ODR4: variants seen among roughly 807,000 people sequenced by gnomAD.
ODR4 encodes the protein protein odr-4 homolog.
In ODR4, 47 loss-of-function variants were observed where a neutral mutation model predicts 60.2. The ratio of observed to expected loss-of-function variants is 0.78; its 90% CI spans 0.62 to 1.00. The LOEUF (loss-of-function observed/expected upper bound fraction) is 1.00. ODR4 is among the 50% of genes least tolerant of loss of function. The pLI, the probability that ODR4 is intolerant of heterozygous loss-of-function variation, is 0.00. For missense variants in ODR4, 488 were observed against 530.8 expected (o/e 0.92, Z 0.79); for synonymous variants, 178 against 175.5 (o/e 1.01, Z -0.11).
At chr1:186,377,774 G>A (rs1259833329) in intron 1 of ODR4, among the ~76,000 whole-genome samples, 1 of 152,134 alleles carries the variant, frequency 6.6e-6, no homozygotes. Context: ...GGCCAGGCAT[G>A]GTGACTCACA....
the ODR4 span, among the ~76,000 whole-genome samples, chr1:186,434,795 G>A: frequency 6.6e-6 from 1 of 152,158 alleles, no homozygotes; most frequent in Non-Finnish European, 1.5e-5. Context: ...TCAATTTCAT[G>A]TGTGATTATT....
chr1:186,406,225 AAT>A lies in ODR4; in HGVS notation c.1144_1145del (p.Ile382SerfsTer22), dbSNP rs1661169659. Reference protein sequence around the residue: ...DHFMEMLDHTIQIEDLEIAEE... With the variant: ...DHFMEMLDHTXQIEDLEIAEE... ...ATTTTATGGAGATGTTGGATCACAC[AAT>A]TCAAATAGAAGATTTGGAAATTGCA... is the stretch of plus-strand genomic sequence containing the variant. On this transcript the variant is annotated frameshift_variant, in exon 12 of 14. Transcript: ENST00000287859. LOFTEE classifies it high-confidence loss of function. 1 of 1,607,328 alleles carries A rather than the reference AAT, an allele frequency of 6.2e-7. No individual in the cohort carries two copies. The highest frequency in any genetic ancestry group is 8.5e-7 in the Non-Finnish European group (1 of 1,177,436).
chr1:186,417,197 A>G (rs1161035764), intron 12 of ODR4, among the ~76,000 whole-genome samples: 1 of 152,084 alleles, frequency 6.6e-6, no homozygotes, highest in African/African-American at 2.4e-5. Flanking sequence ...TCCTGAGCTC[A>G]GGCACTCTGC....
chr1:186,380,654 G>T (rs1308168701), intron 2 of ODR4, among the ~76,000 whole-genome samples: 1 of 150,894 alleles, frequency 6.6e-6, no homozygotes, highest in African/African-American at 2.4e-5. Context: ...TTTGGCCCAA[G>T]GACTTGATTT....
At chr1:186,387,829 G>C (rs151248326) in intron 4 of ODR4, among the ~76,000 whole-genome samples, 1 of 152,172 alleles carries the variant, frequency 6.6e-6, no homozygotes, top group East Asian at 1.9e-4. Flanking sequence ...CATCAAGTAT[G>C]CATTTTTATA....
chr1:186,427,220 T>G, the ODR4 span, among the ~76,000 whole-genome samples: 5 of 152,218 alleles, frequency 3.3e-5, no homozygotes, highest in Non-Finnish European at 5.9e-5. Flanking sequence ...CTGTAGCAGG[T>G]GATGCCATTT....
intron 11 of ODR4, among the ~76,000 whole-genome samples, chr1:186,403,300 G>A (rs11803083): frequency 0.047 from 7,183 of 151,628 alleles, 210 homozygotes; most frequent in Non-Finnish European, 0.068. Context: ...ATATTTATGA[G>A]GTATATGAGA....
At chr1:186,389,118 A>G (rs1162567932) in intron 5 of ODR4, among the ~76,000 whole-genome samples, 4 of 152,090 alleles carry the variant, frequency 2.6e-5, no homozygotes, top group Non-Finnish European at 4.4e-5. Context: ...CAGAATTTTA[A>G]AAGTGACCAT....
intron 12 of ODR4, among the ~76,000 whole-genome samples, chr1:186,413,241 G>A (rs1035278724): frequency 6.6e-6 from 1 of 151,784 alleles, no homozygotes; most frequent in African/African-American, 2.4e-5. Context: ...TTTCAGATTA[G>A]GGATGCTCAA....
chr1:186,392,819 A>G (rs1288805233), intron 8 of ODR4, among the ~76,000 whole-genome samples: 2 of 152,160 alleles, frequency 1.3e-5, no homozygotes, highest in Admixed American at 6.5e-5. Context: ...CCTGGTCAGC[A>G]TGGTGAAACC....
At chr1:186,418,918 A>G in intron 13 of ODR4, 91 bp from the exon 14 acceptor site, 1 of 1,060,186 alleles carries the variant, frequency 9.4e-7, no homozygotes, top group Non-Finnish European at 1.4e-6. Flanking sequence ...TTTTAGGCCC[A>G]TCAGTTACCC....
Position 186,419,272 on chromosome 1 carries a change from G to A in ODR4, c.*196G>A, listed in dbSNP as rs186485557. On this transcript the variant is annotated 3_prime_UTR_variant, in exon 14 of 14. Transcript: ENST00000287859. ...GCCTGCTTTACATTGTAGGTGGCCCGCATTTCCAGAAATAACGTTATGCAT... is the reference window on the plus strand; with the variant it reads ...GCCTGCTTTACATTGTAGGTGGCCCACATTTCCAGAAATAACGTTATGCAT... 1,249 of 564,316 alleles carry A rather than the reference G, an allele frequency of 2.2e-3. 12 individuals are homozygous for A. The highest frequency in any genetic ancestry group is 5.5e-3 in the South Asian group (233 of 42,656). 35.0% of individuals were successfully genotyped at this position (564,316 alleles called of 1,614,324 possible). A position where few individuals can be genotyped will look rare whatever the true frequency, so the allele number is the denominator to read the frequency against.
In ODR4 at chr1:186,386,010, G is replaced by T; in HGVS notation, c.257G>T (p.Gly86Val). 6.2e-7 allele frequency: 1 copy of T among 1,600,980 alleles called. No individual in the cohort carries two copies. Among genetic ancestry groups the T allele is most frequent in the Non-Finnish European group, 8.5e-7 (1 of 1,171,456 alleles). Residue 86 changes from glycine to valine, a missense_variant, in exon 4 of 14, where the codon GGA (glycine) becomes GTA (valine). Gly to Val is a moderately radical substitution (Grantham distance 109). Coordinates refer to ENST00000287859, the MANE Select transcript of ODR4 (RefSeq NM_017847.6). ...TAGGTATCCAGAATGCTACCAGGGG[G>T]ACTTTTAGTTCTTGGAGTATTTATT... ...ACQVSRMLPGGLLVLGVFIIT... is the reference protein window; with the variant it reads ...ACQVSRMLPGVLLVLGVFIIT...
chr1:186,395,164 G>A (rs1660622613), intron 9 of ODR4, among the ~76,000 whole-genome samples: 2 of 152,080 alleles, frequency 1.3e-5, no homozygotes, highest in Non-Finnish European at 2.9e-5. Context: ...GTGCGATCTC[G>A]GCTCACTGCA....
chr1:186,379,083 A>T (rs1659913194), intron 1 of ODR4, among the ~76,000 whole-genome samples: 1 of 152,256 alleles, frequency 6.6e-6, no homozygotes, highest in Non-Finnish European at 1.5e-5. Context: ...TTTAGCAATG[A>T]GAACACCAAG....
chr1:186,383,828 A>G (rs1660138548), intron 3 of ODR4, among the ~76,000 whole-genome samples: 1 of 152,002 alleles, frequency 6.6e-6, no homozygotes, highest in South Asian at 2.1e-4. Flanking sequence ...ACCTGAGGTC[A>G]GGAGTTCAAG....
At chr1:186,432,991 G>T in the ODR4 span, among the ~76,000 whole-genome samples, 1 of 151,884 alleles carries the variant, frequency 6.6e-6, no homozygotes, top group African/African-American at 2.4e-5. Flanking sequence ...TCACCATGTT[G>T]GTCAGGCTGG....
intron 1 of ODR4, among the ~76,000 whole-genome samples, chr1:186,377,123 T>C (rs1166895172): frequency 6.6e-6 from 1 of 152,210 alleles, no homozygotes; most frequent in Non-Finnish European, 1.5e-5. Context: ...TCTTAAATCA[T>C]CTCTAAGTTA....
intron 7 of ODR4, among the ~76,000 whole-genome samples, chr1:186,391,077 T>C (rs1304942351): frequency 6.6e-6 from 1 of 152,184 alleles, no homozygotes; most frequent in Non-Finnish European, 1.5e-5. Context: ...AACTAATAAT[T>C]TAGTTGTTAG....
Sources: gnomAD v4.1 joint callset for allele counts (sites outside exome capture counted in the v4.1 genomes callset) on GRCh38, gnomAD v4.1.1 for gene constraint, MANE v1.5 for transcripts, NCBI Gene and HGNC (gene_info 2026-07-23, HGNC 2026-07-21) for gene names.